Variants in DYM observed in about 807,000 individuals in gnomAD.
The protein encoded by DYM is dyggve-Melchior-Clausen syndrome protein.
DYM carries 78 observed loss-of-function variants against 93.1 expected under a neutral mutation model. The observed-to-expected ratio is 0.84, with a 90% confidence interval of 0.70 to 1.01. DYM has a LOEUF of 1.01. Ranked by LOEUF, DYM falls within the 50% of genes least tolerant of loss-of-function variation. The pLI is 0.00. For synonymous variants in DYM, 321 were observed against 319.7 expected (o/e 1.00, Z -0.04); for missense variants, 789 against 845.0 (o/e 0.93, Z 0.82).
chr18:49,041,313 T>C lies in DYM; in HGVS notation c.*2742A>G, dbSNP rs999594237. Among the ~76,000 whole-genome samples the C allele has an allele frequency of 1.3e-5, 2 of 152,216 alleles. No homozygotes were observed. Among genetic ancestry groups the C allele is most frequent in the African/African-American group, 2.4e-5 (1 of 41,444 alleles). On this transcript the variant is annotated 3_prime_UTR_variant, in exon 18 of 18. Transcript: ENST00000675505. The stretch of plus-strand genomic sequence containing the variant: ...GTAAATATTGTGGCAGAAGTCTTTG[T>C]TGATAAAATGACACAATGCAGTAAC...
At chr18:49,233,792 T>C (rs1370080241) in intron 13 of DYM, among the ~76,000 whole-genome samples, 3 of 152,210 alleles carry the variant, frequency 2.0e-5, no homozygotes, top group African/African-American at 7.2e-5. Context: ...TCTGGATTGC[T>C]AGATTGAAGG....
intron 8 of DYM, among the ~76,000 whole-genome samples, chr18:49,318,929 TAG>T (rs2062235634): frequency 6.7e-6 from 1 of 149,918 alleles, no homozygotes; most frequent in African/African-American, 2.5e-5. Flanking sequence ...GCCTCCCGAG[TAG>T]CTAGGATTAC....
At chr18:49,325,968 C>G (rs1211733394) in intron 8 of DYM, among the ~76,000 whole-genome samples, 1 of 152,152 alleles carries the variant, frequency 6.6e-6, no homozygotes, top group East Asian at 1.9e-4. Flanking sequence ...CAACCACATG[C>G]CATGAAAGGC....
intron 13 of DYM, among the ~76,000 whole-genome samples, chr18:49,240,850 T>C (rs745516943): frequency 6.6e-5 from 10 of 152,188 alleles, no homozygotes; most frequent in Non-Finnish European, 8.8e-5. Flanking sequence ...ACAGAAAATA[T>C]CAAAAAGATG....
At chr18:49,239,633 T>C (rs1422313208) in intron 13 of DYM, among the ~76,000 whole-genome samples, 1 of 152,158 alleles carries the variant, frequency 6.6e-6, no homozygotes, top group Non-Finnish European at 1.5e-5. Context: ...CCAAGCTTCA[T>C]AGCAAGGTCA....
chr18:49,357,152 C>T (rs1194338508), intron 6 of DYM, among the ~76,000 whole-genome samples: 1 of 152,168 alleles, frequency 6.6e-6, no homozygotes. Flanking sequence ...TTAGCCAGTG[C>T]TAATCTGTTC....
At chr18:49,343,007 T>A (rs1417985146) in intron 6 of DYM, among the ~76,000 whole-genome samples, 2 of 152,168 alleles carry the variant, frequency 1.3e-5, no homozygotes, top group African/African-American at 2.4e-5. Flanking sequence ...AGCAAAGGTA[T>A]AAATATTAAA....
At chr18:49,241,665 T>C (rs1043756393) in intron 13 of DYM, among the ~76,000 whole-genome samples, 6 of 152,190 alleles carry the variant, frequency 3.9e-5, no homozygotes, top group Admixed American at 3.3e-4. Flanking sequence ...CTTTACATAA[T>C]GCAATTCTGA....
intron 14 of DYM, among the ~76,000 whole-genome samples, chr18:49,172,726 CTT>C (rs1952511769): frequency 6.6e-6 from 1 of 151,986 alleles, no homozygotes; most frequent in African/African-American, 2.4e-5. Context: ...GGCAGTTTGT[CTT>C]TTTCATTTTC....
At chr18:49,119,476 A>G (rs1268389757) in intron 15 of DYM, among the ~76,000 whole-genome samples, 1 of 152,264 alleles carries the variant, frequency 6.6e-6, no homozygotes, top group East Asian at 1.9e-4. Flanking sequence ...CAAAGTAAGC[A>G]ATCAGCAAAC....
intron 15 of DYM, among the ~76,000 whole-genome samples, chr18:49,133,883 T>C (rs1421523182): frequency 6.6e-6 from 1 of 152,238 alleles, no homozygotes; most frequent in Non-Finnish European, 1.5e-5. Flanking sequence ...CTACAGGTTC[T>C]GGGGATAGGA....
At chr18:49,050,327 G>A (rs2072253248) in intron 17 of DYM, among the ~76,000 whole-genome samples, 1 of 151,936 alleles carries the variant, frequency 6.6e-6, no homozygotes. Context: ...CCGACCTCAG[G>A]TGATCTGCCT....
chr18:49,224,869 A>G (rs1386581360), intron 13 of DYM, among the ~76,000 whole-genome samples: 2 of 152,120 alleles, frequency 1.3e-5, no homozygotes, highest in Non-Finnish European at 2.9e-5. Context: ...GATCACTTCA[A>G]ATCTAGATAA....
intron 1 of DYM, among the ~76,000 whole-genome samples, chr18:49,436,810 A>G (rs1464526955): frequency 6.6e-6 from 1 of 152,198 alleles, no homozygotes; most frequent in Non-Finnish European, 1.5e-5. Flanking sequence ...TAAAATTAAC[A>G]GGAAAAAAAT....
chr18:49,036,436 G>C lies in DYM; in HGVS notation c.*7619C>G, dbSNP rs550962293. 8.3e-4 allele frequency among the ~76,000 whole-genome samples: 126 copies of C among 151,118 alleles called. No homozygotes were observed. Among genetic ancestry groups the C allele is most frequent in the African/African-American group, 3.0e-3 (123 of 41,080 alleles). On this transcript the variant is annotated 3_prime_UTR_variant, in exon 18 of 18. Transcript: ENST00000675505. ...TGAGGCATACTTAATATATAAAACT[G>C]CACATATGTAATAAAGTGTACAATT... is the stretch of plus-strand genomic sequence containing the variant.
intron 8 of DYM, among the ~76,000 whole-genome samples, chr18:49,295,866 T>C (rs908278889): frequency 6.6e-6 from 1 of 152,186 alleles, no homozygotes; most frequent in Admixed American, 6.5e-5. Flanking sequence ...CATGTGCACT[T>C]TACCCAGCTT....
At chr18:49,063,348 C>T (rs2076138384) in intron 17 of DYM, among the ~76,000 whole-genome samples, 1 of 149,714 alleles carries the variant, frequency 6.7e-6, no homozygotes, top group Non-Finnish European at 1.5e-5. Context: ...AAGAATTTCC[C>T]TCTTACTAAA....
At chr18:49,407,583 C>G (rs1409922743) in intron 2 of DYM, among the ~76,000 whole-genome samples, 3 of 152,178 alleles carry the variant, frequency 2.0e-5, no homozygotes, top group Admixed American at 2.0e-4. Context: ...TTTTAAACAA[C>G]TAGATCTTGT....
chr18:49,235,906 G>T (rs1357813620), intron 13 of DYM, among the ~76,000 whole-genome samples: 1 of 151,884 alleles, frequency 6.6e-6, no homozygotes, highest in Admixed American at 6.6e-5. Context: ...TCTTCATAAG[G>T]AATCAGAGAC....
Sources: gnomAD v4.1 joint callset for allele counts (sites outside exome capture counted in the v4.1 genomes callset) on GRCh38, gnomAD v4.1.1 for gene constraint, MANE v1.5 for transcripts, NCBI Gene and HGNC (gene_info 2026-07-23, HGNC 2026-07-21) for gene names.